ST8SIA4: variants seen among roughly 807,000 people sequenced by gnomAD.
ST8SIA4 encodes the protein CMP-N-acetylneuraminate-poly-alpha-2,8-sialyltransferase.
Under a neutral mutation model 33.9 loss-of-function variants are expected in ST8SIA4, and 15 were observed. The ratio of observed to expected loss-of-function variants is 0.44; its 90% CI spans 0.30 to 0.68. The LOEUF is 0.68. Among genes scored for constraint, ST8SIA4 ranks in the 30% least tolerant of loss-of-function variants. The pLI is 0.10. For missense variants in ST8SIA4, 321 were observed against 428.0 expected, an observed-to-expected ratio of 0.75 and a Z score of 2.21; for synonymous variants, 171 against 151.2, an observed-to-expected ratio of 1.13 and a Z score of -0.96.
At chr5:100,822,033 A>G (rs535742881) in intron 4 of ST8SIA4, among the ~76,000 whole-genome samples, 9 of 152,328 alleles carry the variant, frequency 5.9e-5, no homozygotes, top group South Asian at 2.1e-4. Flanking sequence ...GTTTTGAATT[A>G]TATTACAAAG....
At chr5:100,869,194 T>C (rs1752144014) in intron 3 of ST8SIA4, among the ~76,000 whole-genome samples, 1 of 152,188 alleles carries the variant, frequency 6.6e-6, no homozygotes, top group Non-Finnish European at 1.5e-5. Flanking sequence ...ATGAAAGTTA[T>C]AATTACATAT....
intron 4 of ST8SIA4, among the ~76,000 whole-genome samples, chr5:100,821,923 A>G (rs913468868): frequency 1.3e-5 from 2 of 152,238 alleles, no homozygotes; most frequent in Non-Finnish European, 2.9e-5. Context: ...GAACACTCAG[A>G]CAAGGGCTTT....
chr5:100,832,554 C>A (rs1580453924), intron 4 of ST8SIA4, among the ~76,000 whole-genome samples: 1 of 152,094 alleles, frequency 6.6e-6, no homozygotes, highest in African/African-American at 2.4e-5. Flanking sequence ...TAGGTTACTG[C>A]ACTAAAATGT....
rs1750775689 is a variant in ST8SIA4, at chr5:100,809,638, T to A, written c.*2209A>T. On this transcript the variant is annotated 3_prime_UTR_variant, in exon 5 of 5. Coordinates refer to ENST00000231461, the MANE Select transcript of ST8SIA4 (RefSeq NM_005668.6). ...AAGGCTACTAGAATAGCTTATCATT[T>A]GCAAGTAGTCCAAATTTAGATTTTA... The A allele has an allele frequency of 6.6e-6, 1 of 152,164 alleles. No homozygotes were observed. The allele number at this position is 152,164 out of a possible 1,614,324, so 9.4% of individuals were successfully genotyped here. A position where few individuals can be genotyped will look rare whatever the true frequency, so the allele number is the denominator to read the frequency against.
intron 4 of ST8SIA4, among the ~76,000 whole-genome samples, chr5:100,844,537 C>A (rs1043152899): frequency 6.6e-6 from 1 of 151,956 alleles, no homozygotes; most frequent in Middle Eastern, 3.2e-3. Flanking sequence ...GCACTGGATA[C>A]TGGTCTTCAC....
At chr5:100,874,110 T>C (rs542349438) in intron 3 of ST8SIA4, among the ~76,000 whole-genome samples, 1 of 152,300 alleles carries the variant, frequency 6.6e-6, no homozygotes, top group South Asian at 2.1e-4. Flanking sequence ...ATACAGATTG[T>C]ATGAGGGAAT....
chr5:100,824,160 A>C (rs1751091589), intron 4 of ST8SIA4, among the ~76,000 whole-genome samples: 1 of 152,196 alleles, frequency 6.6e-6, no homozygotes, highest in Non-Finnish European at 1.5e-5. Context: ...GAAGAAATGT[A>C]CAGTATTATT....
At chr5:100,884,460 C>T (rs1225209495) in intron 3 of ST8SIA4, among the ~76,000 whole-genome samples, 2 of 152,158 alleles carry the variant, frequency 1.3e-5, no homozygotes, top group Non-Finnish European at 2.9e-5. Flanking sequence ...CACAGGTTGA[C>T]TACATCCCAG....
intron 4 of ST8SIA4, among the ~76,000 whole-genome samples, chr5:100,850,743 A>G (rs1167024443): frequency 5.3e-5 from 8 of 151,606 alleles, no homozygotes; most frequent in Admixed American, 2.0e-4. Flanking sequence ...TTTCTGTGGG[A>G]AAAAAACACA....
At chr5:100,829,146 T>C (rs1177635477) in intron 4 of ST8SIA4, among the ~76,000 whole-genome samples, 1 of 152,218 alleles carries the variant, frequency 6.6e-6, no homozygotes, top group Non-Finnish European at 1.5e-5. Context: ...CTCACTGCCA[T>C]GCTCTGCTCT....
chr5:100,899,991 G>C (rs562054200), intron 1 of ST8SIA4, among the ~76,000 whole-genome samples: 1 of 152,088 alleles, frequency 6.6e-6, no homozygotes, highest in African/African-American at 2.4e-5. Flanking sequence ...AAAACATGTC[G>C]CAGGTATTCC....
intron 4 of ST8SIA4, among the ~76,000 whole-genome samples, chr5:100,824,874 A>G (rs1256271328): frequency 7.0e-6 from 1 of 143,260 alleles, no homozygotes; most frequent in African/African-American, 2.6e-5. Context: ...AGCCTGGGCA[A>G]CATAGCAAGA....
intron 2 of ST8SIA4, among the ~76,000 whole-genome samples, chr5:100,894,432 A>G (rs893821907): frequency 1.3e-5 from 2 of 152,094 alleles, no homozygotes; most frequent in African/African-American, 4.8e-5. Context: ...TAGGAGGCAC[A>G]TGAATATAGA....
intron 4 of ST8SIA4, among the ~76,000 whole-genome samples, chr5:100,827,266 T>C (rs919083624): frequency 6.6e-6 from 1 of 152,204 alleles, no homozygotes; most frequent in African/African-American, 2.4e-5. Flanking sequence ...AAAACATCTC[T>C]TTTTCAGATG....
At chr5:100,891,862 C>T (rs1050071650) in intron 2 of ST8SIA4, among the ~76,000 whole-genome samples, 3 of 151,990 alleles carry the variant, frequency 2.0e-5, no homozygotes, top group East Asian at 1.9e-4. Flanking sequence ...TTAGCTCTAT[C>T]GGTAACTTAT....
chr5:100,890,774 A>C (rs1312678499), intron 2 of ST8SIA4: 1 of 151,970 alleles, frequency 6.6e-6, no homozygotes, highest in Non-Finnish European at 1.5e-5. Flanking sequence ...TTAACATTAA[A>C]GATAACTGAA....
intron 3 of ST8SIA4, among the ~76,000 whole-genome samples, chr5:100,860,203 T>G (rs1283919822): frequency 6.6e-6 from 1 of 152,192 alleles, no homozygotes; most frequent in Non-Finnish European, 1.5e-5. Context: ...TCCCCACCTT[T>G]GTTAATATTC....
At chr5:100,836,188 T>C (rs1277883777) in intron 4 of ST8SIA4, among the ~76,000 whole-genome samples, 2 of 152,104 alleles carry the variant, frequency 1.3e-5, no homozygotes, top group African/African-American at 4.8e-5. Context: ...CCAGGCACTG[T>C]TCTAAACGCT....
chr5:100,870,888 T>C (rs887043946), intron 3 of ST8SIA4, among the ~76,000 whole-genome samples: 12 of 152,252 alleles, frequency 7.9e-5, no homozygotes, highest in African/African-American at 2.9e-4. Flanking sequence ...TAAAATTTCA[T>C]AGATCAAAAT....
Sources: allele counts gnomAD v4.1 joint callset (sites outside exome capture counted in the v4.1 genomes callset), GRCh38; gene constraint gnomAD v4.1.1; transcripts MANE v1.5; gene names NCBI Gene and HGNC (gene_info 2026-07-23, HGNC 2026-07-21).